The following MAP2K6 variants were observed in gnomAD, a reference collection of about 807,000 sequenced individuals.
MAP2K6 encodes the protein dual specificity mitogen-activated protein kinase kinase 6.
MAP2K6 carries 16 observed loss-of-function variants against 53.7 expected under a neutral mutation model. The ratio of observed to expected loss-of-function variants is 0.30; its 90% CI spans 0.20 to 0.45. The LOEUF (loss-of-function observed/expected upper bound fraction) is 0.45, where lower values mean the gene tolerates loss of function less well. Ranked by LOEUF, MAP2K6 falls within the 20% of genes least tolerant of loss-of-function variation. The pLI is 1.00. For missense variants in MAP2K6, 204 were observed against 411.9 expected (o/e 0.50, Z 4.37); for synonymous variants, 132 against 143.1 (o/e 0.92, Z 0.55).
chr17:69,492,711 C>T (rs1908798000), intron 1 of MAP2K6, among the ~76,000 whole-genome samples: 1 of 152,202 alleles, frequency 6.6e-6, no homozygotes, highest in Admixed American at 6.5e-5. Context: ...TGTCTACTCT[C>T]CCTCTGCCCC....
intron 1 of MAP2K6, among the ~76,000 whole-genome samples, chr17:69,496,774 C>G (rs1251817733): frequency 6.6e-6 from 1 of 152,030 alleles, no homozygotes; most frequent in East Asian, 1.9e-4. Context: ...CTCTTAAGCT[C>G]CATTTGCCTG....
chr17:69,540,431 G>T (rs1168039857), intron 11 of MAP2K6, among the ~76,000 whole-genome samples: 1 of 152,188 alleles, frequency 6.6e-6, no homozygotes, highest in African/African-American at 2.4e-5. Flanking sequence ...GGGTAGGTTT[G>T]GTTGGTTCTA....
At chr17:69,490,896 T>A (rs1347261556) in intron 1 of MAP2K6, among the ~76,000 whole-genome samples, 3 of 152,020 alleles carry the variant, frequency 2.0e-5, no homozygotes, top group Non-Finnish European at 4.4e-5. Flanking sequence ...TAGGCCCCAG[T>A]GTGTGTTGTT....
intron 1 of MAP2K6, among the ~76,000 whole-genome samples, chr17:69,416,257 C>T (rs1199485381): frequency 6.6e-6 from 1 of 152,096 alleles, no homozygotes; most frequent in Non-Finnish European, 1.5e-5. Context: ...TCATATATCT[C>T]AGCAGCCCAA....
At chr17:69,534,211 C>T (rs1911237247) in intron 10 of MAP2K6, among the ~76,000 whole-genome samples, 1 of 152,150 alleles carries the variant, frequency 6.6e-6, no homozygotes. Context: ...GAGAACCACC[C>T]ACGTAGACTC....
At chr17:69,499,809 G>A (rs1909083598) in intron 1 of MAP2K6, among the ~76,000 whole-genome samples, 1 of 152,212 alleles carries the variant, frequency 6.6e-6, no homozygotes, top group Non-Finnish European at 1.5e-5. Flanking sequence ...CGGGAAATGA[G>A]TGGAAGATGG....
chr17:69,460,116 G>A (rs1907570833), intron 1 of MAP2K6, among the ~76,000 whole-genome samples: 1 of 152,020 alleles, frequency 6.6e-6, no homozygotes, highest in African/African-American at 2.4e-5. Context: ...TAGGCTCTGG[G>A]GATAGAGCAA....
chr17:69,424,019 G>A (rs1378184991), intron 1 of MAP2K6, among the ~76,000 whole-genome samples: 1 of 152,156 alleles, frequency 6.6e-6, no homozygotes, highest in African/African-American at 2.4e-5. Flanking sequence ...CAGCTCAGAG[G>A]TTCCATCATT....
At chr17:69,539,969 G>A (rs1227243171) in intron 11 of MAP2K6, among the ~76,000 whole-genome samples, 2 of 152,186 alleles carry the variant, frequency 1.3e-5, no homozygotes, top group Non-Finnish European at 2.9e-5. Flanking sequence ...TTGATTTCAT[G>A]AGTGTAAGGA....
chr17:69,520,836 G>T (rs1910428364), intron 6 of MAP2K6: 1 of 474,680 alleles, frequency 2.1e-6, no homozygotes, highest in Non-Finnish European at 3.7e-6. Context: ...ACAGATGAGG[G>T]AGACATCCTC....
At chr17:69,522,003 TG>T (rs1319620961) in intron 7 of MAP2K6, among the ~76,000 whole-genome samples, 1 of 151,856 alleles carries the variant, frequency 6.6e-6, no homozygotes, top group African/African-American at 2.4e-5. Flanking sequence ...TAGTTAGGTG[TG>T]GTGGTGGGTG....
intron 1 of MAP2K6, among the ~76,000 whole-genome samples, chr17:69,430,811 C>A (rs1249038203): frequency 2.0e-5 from 3 of 152,190 alleles, no homozygotes; most frequent in South Asian, 2.1e-4. Context: ...CTAATGTGAA[C>A]AAGCAACCCT....
rs1485944395 is a variant in MAP2K6 at position 69,494,443 on chromosome 17, A to C, written c.17-11337A>C. 6.6e-6 allele frequency among the ~76,000 whole-genome samples: 1 copy of C among 151,588 alleles called. No individual in the cohort carries two copies. ...TACCCAGGAGGCAGAGGTTGCTGTG[A>C]GCCAAGGTCGTGCCACTGCACTCCA... On this transcript the variant is annotated intron_variant, in intron 1 of 11. Transcript: ENST00000590474. This position sits in a 1 kb window ranked among gnomAD's most constrained non-coding sequence, Gnocchi z 4.2.
chr17:69,545,574 C>T lies in MAP2K6; in HGVS notation c.*3821C>T, dbSNP rs1911845688. 6.6e-6 allele frequency: 1 copy of T among 152,172 alleles called. No individual in the cohort carries two copies. Among genetic ancestry groups the T allele is most frequent in the Admixed American group, 6.5e-5 (1 of 15,272 alleles). The allele number at this position is 152,172 out of a possible 1,614,324, so 9.4% of individuals were successfully genotyped here. A position where few individuals can be genotyped will look rare whatever the true frequency, so the allele number is the denominator to read the frequency against. On this transcript the variant is annotated 3_prime_UTR_variant, in exon 12 of 12. Transcript: ENST00000590474. ...CAGAGATTCCTAAACTTTCTGTGTT[C>T]AGGGTGCCATTAGTTGTCTTGGTAC...
At chr17:69,495,443 C>A (rs377660125) in intron 1 of MAP2K6, among the ~76,000 whole-genome samples, 18 of 152,060 alleles carry the variant, frequency 1.2e-4, no homozygotes, top group Admixed American at 7.2e-4. Flanking sequence ...ACCATGTTGG[C>A]CAGGGTGGTC....
intron 1 of MAP2K6, among the ~76,000 whole-genome samples, chr17:69,493,470 C>T (rs1908830594): frequency 6.6e-6 from 1 of 152,128 alleles, no homozygotes. Context: ...ATAAAAAATA[C>T]TCAGCTGCAG....
chr17:69,469,734 G>C (rs1216953433), intron 1 of MAP2K6, among the ~76,000 whole-genome samples: 1 of 152,132 alleles, frequency 6.6e-6, no homozygotes, highest in Non-Finnish European at 1.5e-5. Context: ...CTGCACCCCA[G>C]CCTGGGGGCA....
chr17:69,416,801 G>A (rs190293711), intron 1 of MAP2K6, among the ~76,000 whole-genome samples: 5 of 152,298 alleles, frequency 3.3e-5, no homozygotes, highest in African/African-American at 9.6e-5. Context: ...CTATTTGGGG[G>A]ATAGTCAGGA....
At chr17:69,500,767 A>AAG (rs1909140068) in intron 1 of MAP2K6, among the ~76,000 whole-genome samples, 1 of 139,180 alleles carries the variant, frequency 7.2e-6, no homozygotes, top group African/African-American at 2.7e-5. Context: ...AAAAAAAAAG[A>AAG]AAAAAAAAAA....
Sources: allele counts gnomAD v4.1 joint callset (sites outside exome capture counted in the v4.1 genomes callset), GRCh38; gene constraint gnomAD v4.1.1; non-coding constraint Gnocchi (gnomAD v3.1); transcripts MANE v1.5; gene names NCBI Gene and HGNC (gene_info 2026-07-23, HGNC 2026-07-21).